The following MORC4 variants were observed in gnomAD, a reference collection of about 807,000 sequenced individuals.
MORC4 encodes the protein MORC family CW-type zinc finger 4, also known as MORC family CW-type zinc finger protein 4.
MORC4 carries 22 observed loss-of-function variants against 65.5 expected under a neutral mutation model. That is an observed-to-expected ratio of 0.34 (90% CI 0.24 to 0.48). The LOEUF is 0.48. MORC4 is among the 20% of genes least tolerant of loss of function. The pLI, the probability that MORC4 is intolerant of heterozygous loss-of-function variation, is 0.99. For missense variants in MORC4, 624 were observed against 703.0 expected (o/e 0.89, Z 1.27); for synonymous variants, 267 against 255.8 (o/e 1.04, Z -0.42).
At chrX:106,957,034 G>GA (rs2147808915) in intron 11 of MORC4, 30 bp from the exon 12 acceptor site, 2 of 1,023,543 alleles carry the variant, frequency 2.0e-6, no homozygotes, top group South Asian at 2.2e-5. Flanking sequence ...TCATCCTTTG[G>GA]AAAAAAACTG....
intron 3 of MORC4, among the ~76,000 whole-genome samples, chrX:106,991,788 C>T (rs1195516817): frequency 1.8e-5 from 2 of 110,903 alleles, no homozygotes; most frequent in Non-Finnish European, 3.8e-5. Context: ...CCCTATAATC[C>T]CAGCTACTCG....
At chrX:106,997,063 T>G (rs1935093410) in intron 2 of MORC4, among the ~76,000 whole-genome samples, 1 of 112,137 alleles carries the variant, frequency 8.9e-6, no homozygotes, top group South Asian at 3.7e-4. Context: ...CTGTCCTACA[T>G]AAATCCTAGA....
At chrX:106,950,173 G>A (rs912245746) in intron 14 of MORC4, among the ~76,000 whole-genome samples, 10 of 112,215 alleles carry the variant, frequency 8.9e-5, no homozygotes, top group Middle Eastern at 4.6e-3. Context: ...ACTATGATCC[G>A]AAGAGGGCTC....
chrX:106,993,393 TC>T, intron 2 of MORC4, 31 bp from the exon 3 acceptor site: 1 of 1,185,327 alleles, frequency 8.4e-7, no homozygotes, highest in Admixed American at 2.2e-5. Context: ...CGATATTAGA[TC>T]CCCTTTTCCA....
At chrX:106,999,051 G>A (rs1935128277) in intron 2 of MORC4, among the ~76,000 whole-genome samples, 1 of 111,932 alleles carries the variant, frequency 8.9e-6, no homozygotes, top group Non-Finnish European at 1.9e-5. Context: ...TGGCTTGAAG[G>A]GATCAACTGA....
chrX:106,970,039 G>A (rs1178938890), intron 9 of MORC4, among the ~76,000 whole-genome samples: 2 of 111,682 alleles, frequency 1.8e-5, no homozygotes, highest in Non-Finnish European at 3.8e-5. Context: ...GAAAATTTTA[G>A]GCCAATATCC....
In MORC4 at chrX:106,990,057, C is replaced by T. The variant is rs781215173; in HGVS notation, c.308+3173G>A. On this transcript the variant is annotated intron_variant, in intron 3 of 16. Transcript: ENST00000355610. ...TACAAAAATTAGCTGGGTATGGTGG[C>T]GCACACCTGTAGTCCCAGCTACTCG... Among the ~76,000 whole-genome samples the T allele has an allele frequency of 1.4e-4, 14 of 102,936 alleles. No homozygotes were observed. The East Asian group carries it at 3.8e-3, about 28-fold the overall frequency. The allele number at this position is 102,936 out of a possible 115,157, so 89.4% of individuals were successfully genotyped here.
chrX:106,946,569 C>T (rs1933833947), intron 14 of MORC4, among the ~76,000 whole-genome samples: 1 of 112,106 alleles, frequency 8.9e-6, no homozygotes, highest in South Asian at 3.6e-4. Context: ...TTTTTGGCTA[C>T]CATAAATGAT....
At chrX:106,974,347 G>C (rs893947499) in intron 9 of MORC4, among the ~76,000 whole-genome samples, 13 of 111,195 alleles carry the variant, frequency 1.2e-4, no homozygotes, top group African/African-American at 3.9e-4. Context: ...CATTTAACTT[G>C]ATTTGCCTTC....
At chrX:106,953,478 G>A (rs1422258844) in intron 14 of MORC4, among the ~76,000 whole-genome samples, 1 of 111,359 alleles carries the variant, frequency 9.0e-6, no homozygotes, top group African/African-American at 3.3e-5. Context: ...ATGGGAGTTG[G>A]AAAAGTATGC....
At chrX:106,952,349 A>G (rs751109413) in intron 14 of MORC4, among the ~76,000 whole-genome samples, 2 of 112,509 alleles carry the variant, frequency 1.8e-5, no homozygotes, top group South Asian at 7.4e-4. Flanking sequence ...AGTGAATACT[A>G]TAGGCAACTG....
In MORC4 at chrX:106,999,977, G is replaced by A; in HGVS notation, c.-8C>T. The A allele has an allele frequency of 2.4e-6, 2 of 842,622 alleles. No homozygotes were observed. Among genetic ancestry groups the A allele is most frequent in the South Asian group, 5.2e-5 (1 of 19,389 alleles). The allele number at this position is 842,622 out of a possible 1,213,427, so 69.4% of individuals were successfully genotyped here. On this transcript the variant is annotated 5_prime_UTR_variant, in exon 1 of 17. Transcript: ENST00000355610. ...CCCTCGGTACAGGAGCATTTTTTTG[G>A]CCGCCACGGTACCCGTCTGCTGCCG...
At chrX:106,994,934 T>C (rs1935048218) in intron 2 of MORC4, among the ~76,000 whole-genome samples, 1 of 111,877 alleles carries the variant, frequency 8.9e-6, no homozygotes, top group African/African-American at 3.3e-5. Context: ...CAATGTGTAA[T>C]GATCAAATCA....
intron 9 of MORC4, among the ~76,000 whole-genome samples, chrX:106,973,298 AC>A (rs1308486145): frequency 8.9e-6 from 1 of 112,096 alleles, no homozygotes; most frequent in Non-Finnish European, 1.9e-5. Flanking sequence ...ACAGCAAAAT[AC>A]AAAAAAGAAA....
intron 9 of MORC4, among the ~76,000 whole-genome samples, chrX:106,972,599 C>T (rs889244948): frequency 9.0e-6 from 1 of 111,488 alleles, no homozygotes; most frequent in Non-Finnish European, 1.9e-5. Context: ...ATACATGACA[C>T]GCATGGGAGA....
chrX:106,973,876 C>T (rs1201712180), intron 9 of MORC4, among the ~76,000 whole-genome samples: 1 of 111,683 alleles, frequency 9.0e-6, no homozygotes, highest in Non-Finnish European at 1.9e-5. Flanking sequence ...GCAGCCCTGC[C>T]AACACCTCGA....
intron 14 of MORC4, among the ~76,000 whole-genome samples, chrX:106,948,469 G>A (rs1933901422): frequency 8.9e-6 from 1 of 111,747 alleles, no homozygotes; most frequent in South Asian, 3.7e-4. Flanking sequence ...ATAGAAAGAG[G>A]AAGAAATATT....
At chrX:106,973,342 CT>C (rs1934563405) in intron 9 of MORC4, among the ~76,000 whole-genome samples, 1 of 111,875 alleles carries the variant, frequency 8.9e-6, no homozygotes, top group Admixed American at 9.5e-5. Context: ...GAGTTTTGCC[CT>C]AAGATGTGCC....
rs1052404028 is a variant in MORC4 at position 106,986,000 on chromosome X, G to T, written c.509C>A (p.Pro170Gln). 1.7e-6 allele frequency: 2 copies of T among 1,206,019 alleles called. No homozygotes were observed. The highest frequency in any genetic ancestry group is 4.4e-5 in the Admixed American group (2 of 45,600). The change falls in exon 4 of 17, where the codon CCA (proline) becomes CAA (glutamine). Residue 170 changes from proline to glutamine, a missense_variant. Physicochemically the swap from Pro to Gln is moderately conservative, Grantham distance 76 (BLOSUM62 -1). Transcript: ENST00000355610. ...AAGGATATTGTTTTGCTGGTTGAAT[G>T]GAACAATTGGTACAATAACTGCCTG... The part of the protein sequence containing the change: ...QAQAVIVPIV[P>Q]FNQQNKKMII...
Sources: gnomAD v4.1 joint callset for allele counts (sites outside exome capture counted in the v4.1 genomes callset) on GRCh38, gnomAD v4.1.1 for gene constraint, MANE v1.5 for transcripts, NCBI Gene and HGNC (gene_info 2026-07-23, HGNC 2026-07-21) for gene names.